Variants in PCNX3 observed in about 807,000 individuals in gnomAD.
The protein encoded by PCNX3 is pecanex-like protein 3.
A neutral mutation model predicts 207.2 loss-of-function variants in PCNX3; 58 were observed. That is an observed-to-expected ratio of 0.28 (90% CI 0.23 to 0.35). The LOEUF (loss-of-function observed/expected upper bound fraction) is 0.35. PCNX3 is among the 10% of genes least tolerant of loss of function. The pLI is 1.00. For synonymous variants in PCNX3, 1,337 were observed against 1,183.5 expected, an observed-to-expected ratio of 1.13 and a Z score of -2.66; for missense variants, 2,410 against 2,774.4, an observed-to-expected ratio of 0.87 and a Z score of 2.95.
intron 22 of PCNX3, 126 bp from the exon 23 acceptor site, chr11:65,628,469 C>T: frequency 2.4e-6 from 2 of 835,470 alleles, no homozygotes; most frequent in South Asian, 1.6e-5. Flanking sequence ...CTGGCAGTGA[C>T]CTTGAGTTTG....
intron 20 of PCNX3, 145 bp downstream of exon 20, chr11:65,626,199 T>C (rs551090916): frequency 4.3e-6 from 5 of 1,172,346 alleles, no homozygotes; most frequent in Non-Finnish European, 6.1e-6. Flanking sequence ...CCCTGCCCTC[T>C]GTGTCCGTGT....
At chr11:65,627,317 C>T in intron 21 of PCNX3, 88 bp from the exon 22 acceptor site, 22 of 1,423,372 alleles carry the variant, frequency 1.5e-5, no homozygotes, top group Non-Finnish European at 1.9e-5. Context: ...AGGGGTTGCT[C>T]TCCGGCCAGA....
In PCNX3 at chr11:65,620,815, G is replaced by A; in HGVS notation, c.2100-16G>A. 6.3e-7 allele frequency: 1 copy of A among 1,593,224 alleles called. No individual in the cohort carries two copies. Among genetic ancestry groups the A allele is most frequent in the Non-Finnish European group, 8.5e-7 (1 of 1,171,010 alleles). On this transcript the variant is annotated splice_polypyrimidine_tract_variant and intron_variant, in intron 9 of 34. Transcript: ENST00000355703. ...GCTCGCCCGTGGGGGGATCCTGATG[G>A]CTGCTGTTCTCACAGGGACCGACAC...
chr11:65,617,377 C>G lies in PCNX3; in HGVS notation c.441+28C>G, dbSNP rs375864458. On this transcript the variant is annotated intron_variant, in intron 3 of 34. Transcript: ENST00000355703. Reference sequence around the variant, plus strand: ...GAGTGGGCCTGGACCTCAGCTTGTCCTCCTGTCCCTCTGCGAGCCAGTCCC... The same window carrying G: ...GAGTGGGCCTGGACCTCAGCTTGTCGTCCTGTCCCTCTGCGAGCCAGTCCC... The G allele has an allele frequency of 8.7e-6, 14 of 1,613,172 alleles. No individual in the cohort carries two copies. In the African/African-American group the frequency reaches 1.7e-4, roughly 20 times the overall value.
At position 65,623,662 on chromosome 11, in the gene PCNX3, G is replaced by A. The variant is rs532048065; in HGVS notation, c.2511+18G>A. The A allele has an allele frequency of 1.9e-6, 3 of 1,607,406 alleles. No homozygotes were observed. In the African/African-American group the frequency reaches 4.0e-5, roughly 22 times the overall value. On this transcript the variant is annotated intron_variant, in intron 12 of 34. Transcript: ENST00000355703. The stretch of plus-strand genomic sequence containing the variant: ...TGCTGAAGGTCAGGCCGGGCTCTCT[G>A]TGTTTCCTTCCCCACCCGACTTTTC...
Position 65,616,690 on chromosome 11 carries a change from C to G in PCNX3, c.154-134C>G, listed in dbSNP as rs150949221. ...AGAATACAGAGCCCTTTGTCGAGGT[C>G]TGTGTACTGGTTGTGTGGAGAGGTG... On this transcript the variant is annotated intron_variant, in intron 1 of 34. Coordinates refer to ENST00000355703, the MANE Select transcript of PCNX3 (RefSeq NM_032223.4). 4.0e-3 allele frequency: 4,297 copies of G among 1,076,888 alleles called. 14 individuals carry two copies. Among genetic ancestry groups the G allele is most frequent in the South Asian group, 0.011 (713 of 63,480 alleles). The allele number at this position is 1,076,888 out of a possible 1,614,324, so 66.7% of individuals were successfully genotyped here. A position where few individuals can be genotyped will look rare whatever the true frequency, so the allele number is the denominator to read the frequency against.
Position 65,624,921 on chromosome 11 carries a change from A to G in PCNX3, c.2828-4A>G, listed in dbSNP as rs1855302599. On this transcript the variant is annotated splice_region_variant and splice_polypyrimidine_tract_variant and intron_variant, in intron 15 of 34. Transcript: ENST00000355703. Reference sequence around the variant, plus strand: ...GCTGGGCTGTACTTCTCCCTTCCACACAGCTGCCACCAGCCCGCTCACGGC... The same window carrying G: ...GCTGGGCTGTACTTCTCCCTTCCACGCAGCTGCCACCAGCCCGCTCACGGC... 6.2e-7 allele frequency: 1 copy of G among 1,606,166 alleles called. No homozygotes were observed. Among genetic ancestry groups the G allele is most frequent in the Non-Finnish European group, 8.5e-7 (1 of 1,177,994 alleles).
Position 65,619,198 on chromosome 11 carries a change from C to T in PCNX3, c.1705+131C>T, listed in dbSNP as rs931316519. The T allele has an allele frequency of 3.6e-6, 3 of 840,190 alleles. No individual in the cohort carries two copies. The Admixed American group carries it at 8.2e-5, about 23-fold the overall frequency. 52.0% of individuals were successfully genotyped at this position (840,190 alleles called of 1,614,324 possible). On this transcript the variant is annotated intron_variant, in intron 6 of 34. Coordinates refer to ENST00000355703, the MANE Select transcript of PCNX3 (RefSeq NM_032223.4). ...GTTGTAGGCAGCAGATGGACGTGGG[C>T]CTGGTGGTGATTGACATTGTCTGCC...
Position 65,616,197 on chromosome 11 carries a change from A to C in PCNX3, c.-115A>C, listed in dbSNP as rs1329812429. 2.4e-5 allele frequency: 19 copies of C among 792,214 alleles called. No individual in the cohort carries two copies. Among genetic ancestry groups the C allele is most frequent in the African/African-American group, 5.6e-5 (3 of 53,564 alleles). The allele number at this position is 792,214 out of a possible 1,614,324, so 49.1% of individuals were successfully genotyped here. A position where few individuals can be genotyped will look rare whatever the true frequency, so the allele number is the denominator to read the frequency against. ...CCCCCCTCCCCCGCTGGGGGAGGCC[A>C]TGGCGTGAGCGTGAGGCCGGGCCCC... On this transcript the variant is annotated 5_prime_UTR_variant, in exon 1 of 35. An upstream start codon of the reference 5' UTR is lost. Coordinates refer to ENST00000355703, the MANE Select transcript of PCNX3 (RefSeq NM_032223.4).
chr11:65,624,666 G>A, intron 15 of PCNX3, 85 bp downstream of exon 15: 1 of 1,277,878 alleles, frequency 7.8e-7, no homozygotes, highest in Admixed American at 2.1e-5. Context: ...CTCCACCCTT[G>A]CGGAACCTTC....
chr11:65,621,092 T>C, intron 10 of PCNX3, 126 bp downstream of exon 10: 1 of 1,245,940 alleles, frequency 8.0e-7, no homozygotes, highest in Non-Finnish European at 1.1e-6. Flanking sequence ...GAGTGAGCGC[T>C]CCAGGGGCCC....
rs773391774 is a variant in PCNX3, at chr11:65,635,087, G to A, written c.4920G>A (p.Ala1640=). Residue 1640 remains alanine (A), a synonymous_variant, in exon 30 of 35, where the codon GCG becomes GCA. Transcript: ENST00000355703. This position sits in a 1 kb window ranked among gnomAD's most constrained non-coding sequence, Gnocchi z 9.9. ...TGGACCTGCTTCACCGCGTTGTGGC[G>A]CCTGGGGTTCGCATGGCCCTCAAGC... ...ADMDLLHRVV[A]PGVRMALKLH... 1.9e-6 allele frequency: 3 copies of A among 1,613,688 alleles called. No individual in the cohort carries two copies. The highest frequency in any genetic ancestry group is 8.5e-7 in the Non-Finnish European group (1 of 1,179,778).
At chr11:65,624,642 G>A in intron 15 of PCNX3, 61 bp downstream of exon 15, 1 of 1,436,614 alleles carries the variant, frequency 7.0e-7, no homozygotes, top group Non-Finnish European at 9.6e-7. Context: ...AGGGCCCTCG[G>A]ATTGGGTCCT....
In PCNX3 at chr11:65,626,788, T is replaced by TC. The variant is rs1053874852; in HGVS notation, c.3380-110dup. On this transcript the variant is annotated intron_variant, in intron 20 of 34. Coordinates refer to ENST00000355703, the MANE Select transcript of PCNX3 (RefSeq NM_032223.4). ...ATTTGAGCTGCCACAGATCAGCCCC[T>TC]CCCCCCAGGGTCTCCGAGGAGTCAG... 4 of 1,452,004 alleles carry TC rather than the reference T, an allele frequency of 2.8e-6. No individual in the cohort carries two copies. In the East Asian group the frequency reaches 7.5e-5, roughly 27 times the overall value. The allele number at this position is 1,452,004 out of a possible 1,614,324, so 89.9% of individuals were successfully genotyped here.
rs1407915904 is a variant in PCNX3, at chr11:65,617,294, C to A, written c.386C>A (p.Thr129Lys). The change falls in exon 3 of 35, where the codon ACA becomes AAA. Residue 129 changes from threonine (T) to lysine (K), a missense_variant. Transcript: ENST00000355703. The part of the protein sequence containing the change: ...EMTVFRKVSS[T>K]PPVRCSSQHS... Reference sequence around the variant, plus strand: ...ACAGTGTTCCGGAAAGTCAGTTCCACACCCCCGGTGCGCTGCAGCTCCCAG... The same window carrying A: ...ACAGTGTTCCGGAAAGTCAGTTCCAAACCCCCGGTGCGCTGCAGCTCCCAG... 1 of 1,611,550 alleles carries A rather than the reference C, an allele frequency of 6.2e-7. No homozygotes were observed.
At position 65,619,797 on chromosome 11, in the gene PCNX3, C is replaced by A; in HGVS notation, c.1873C>A (p.Arg625=). The A allele has an allele frequency of 6.3e-7, 1 of 1,588,666 alleles. No individual in the cohort carries two copies. Among genetic ancestry groups the A allele is most frequent in the Non-Finnish European group, 8.5e-7 (1 of 1,173,004 alleles). Residue 625 remains arginine (R), a synonymous_variant, in exon 8 of 35, where the codon CGG becomes AGG. Coordinates refer to ENST00000355703, the MANE Select transcript of PCNX3 (RefSeq NM_032223.4). ...AQRGRAASHS[R]ALTLPSALHF... Reference sequence around the variant, plus strand: ...GCGGGGCCGGGCTGCCTCCCACTCCCGGGCGCTGACGCTGCCCTCTGCGCT... The same window carrying A: ...GCGGGGCCGGGCTGCCTCCCACTCCAGGGCGCTGACGCTGCCCTCTGCGCT...
intron 29 of PCNX3, 45 bp downstream of exon 29, chr11:65,634,686 C>T (rs778834033): frequency 9.4e-6 from 14 of 1,485,784 alleles, no homozygotes; most frequent in Non-Finnish European, 1.3e-5. Context: ...GTCCCCACCC[C>T]ACCTCTTCCA....
chr11:65,617,056 C>T, intron 2 of PCNX3, 45 bp downstream of exon 2: 1 of 1,540,828 alleles, frequency 6.5e-7, no homozygotes, highest in Non-Finnish European at 8.8e-7. Flanking sequence ...GTTTTTGGTG[C>T]CTGGGCCGGA....
intron 23 of PCNX3, 44 bp from the exon 24 acceptor site, chr11:65,628,775 G>GGGGGGGGGGGGGGGGGGGGGGGGGGC: frequency 1.3e-6 from 2 of 1,500,484 alleles, no homozygotes; most frequent in East Asian, 2.4e-5. Flanking sequence ...GTGGTGGGGG[G>GGGGGGGGGGGGGGGGGGGGGGGGGGC]CTGGGAGGTC....
Sources: allele counts gnomAD v4.1 joint callset, GRCh38; gene constraint gnomAD v4.1.1; non-coding constraint Gnocchi (gnomAD v3.1); transcripts MANE v1.5; gene names NCBI Gene and HGNC (gene_info 2026-07-23, HGNC 2026-07-21).